CHL1: variants seen among roughly 807,000 people sequenced by gnomAD.
CHL1 encodes cell adhesion molecule L1 like, also known as neural cell adhesion molecule L1-like protein.
A neutral mutation model predicts 141.9 loss-of-function variants in CHL1; 96 were observed. That is an observed-to-expected ratio of 0.68 (90% CI 0.57 to 0.80). The LOEUF (loss-of-function observed/expected upper bound fraction) is 0.80. CHL1 is among the 30% of genes least tolerant of loss of function. The pLI, the probability that CHL1 is intolerant of heterozygous loss-of-function variation, is 0.00. For synonymous variants in CHL1, 613 were observed against 502.2 expected (o/e 1.22, Z -2.95); for missense variants, 1,820 against 1,457.2 (o/e 1.25, Z -4.05).
chr3:337,869 A>G lies in CHL1; in HGVS notation c.386-2925A>G, dbSNP rs369280407. ...TGTCTTCATAGCAGCATGATTTATA[A>G]TCCTTTGGGTATATACCCAGTAATG... On this transcript the variant is annotated intron_variant, in intron 5 of 27. Coordinates refer to ENST00000256509, the MANE Select transcript of CHL1 (RefSeq NM_006614.4). 1.2e-3 allele frequency among the ~76,000 whole-genome samples: 177 copies of G among 152,244 alleles called. 1 individual carries two copies. The highest frequency in any genetic ancestry group is 3.4e-3 in the Middle Eastern group (1 of 294).
chr3:405,441 C>T (rs1709464699), intron 27 of CHL1, 54 bp from the exon 28 acceptor site: 2 of 1,178,168 alleles, frequency 1.7e-6, no homozygotes, highest in Non-Finnish European at 2.5e-6. Context: ...TGTTGCTTTA[C>T]ATGAATATTA....
chr3:243,686 A>C (rs1202019477), intron 1 of CHL1, among the ~76,000 whole-genome samples: 1 of 152,112 alleles, frequency 6.6e-6, no homozygotes, highest in Non-Finnish European at 1.5e-5. Context: ...GTCAAATAAT[A>C]CACAGAGTGG....
chr3:398,317 G>A lies in CHL1; in HGVS notation c.3185G>A (p.Arg1062His), dbSNP rs144944083. 30 of 1,607,878 alleles carry A rather than the reference G, an allele frequency of 1.9e-5. No individual in the cohort carries two copies. The highest frequency in any genetic ancestry group is 1.1e-4 in the African/African-American group (8 of 74,756). ...GAGCCGGGAGCTGAACATATAGTTC[G>A]CCTAATGACTAAGAATTGGGGCGAT... The part of the protein sequence containing the change: ...VFEPGAEHIV[R>H]LMTKNWGDND... Residue 1062 changes from arginine (R) to histidine (H), a missense_variant, in exon 25 of 28, where the codon CGC becomes CAC. Transcript: ENST00000256509.
At chr3:216,029 A>T (rs1209612007) in intron 1 of CHL1, among the ~76,000 whole-genome samples, 1 of 152,210 alleles carries the variant, frequency 6.6e-6, no homozygotes, top group Non-Finnish European at 1.5e-5. Flanking sequence ...GAGTGAGAAT[A>T]TATATGTTAT....
At chr3:339,898 C>G (rs949892132) in intron 5 of CHL1, among the ~76,000 whole-genome samples, 3 of 152,152 alleles carry the variant, frequency 2.0e-5, no homozygotes, top group Non-Finnish European at 4.4e-5. Context: ...CAAGTTGGGA[C>G]TGTTATAACT....
At chr3:284,300 A>G (rs1454864539) in intron 2 of CHL1, among the ~76,000 whole-genome samples, 1 of 152,204 alleles carries the variant, frequency 6.6e-6, no homozygotes, top group Non-Finnish European at 1.5e-5. Flanking sequence ...AGGAAAACAA[A>G]CAAAGATGTG....
chr3:339,256 G>T (rs1486277449), intron 5 of CHL1, among the ~76,000 whole-genome samples: 1 of 152,146 alleles, frequency 6.6e-6, no homozygotes, highest in East Asian at 1.9e-4. Flanking sequence ...ATGTCTATAA[G>T]GTGTACTTTC....
chr3:249,428 T>A (rs1047587359), intron 2 of CHL1, among the ~76,000 whole-genome samples: 1 of 152,130 alleles, frequency 6.6e-6, no homozygotes, highest in Non-Finnish European at 1.5e-5. Context: ...AGAAGAAACA[T>A]GTCAAAGCTC....
intron 2 of CHL1, among the ~76,000 whole-genome samples, chr3:311,002 G>T (rs1699708077): frequency 6.6e-6 from 1 of 152,068 alleles, no homozygotes; most frequent in African/African-American, 2.4e-5. Context: ...TTTCAAATTG[G>T]CCTGTTCACT....
In CHL1 at chr3:349,460, C is replaced by A. The variant is rs1703059107; in HGVS notation, c.950C>A (p.Ser317Tyr). 6.2e-7 allele frequency: 1 copy of A among 1,613,836 alleles called. No homozygotes were observed. Among genetic ancestry groups the A allele is most frequent in the Non-Finnish European group, 8.5e-7 (1 of 1,179,858 alleles). ...YGKTLKIENV[S>Y]YQDKGNYRCT... ...AAGACTTTGAAGATAGAGAATGTCT[C>A]CTACCAGGACAAAGGAAATTATCGC... is the stretch of plus-strand genomic sequence containing the variant. Residue 317 changes from serine to tyrosine, a missense_variant, in exon 10 of 28, where the codon TCC becomes TAC. By Grantham distance (144) the Ser-to-Tyr change is moderately radical (BLOSUM62 -2). Transcript: ENST00000256509.
At chr3:326,154 A>G (rs1393833761) in intron 4 of CHL1, 90 bp downstream of exon 4, 2 of 734,658 alleles carry the variant, frequency 2.7e-6, no homozygotes, top group African/African-American at 1.8e-5. Context: ...CTGTTGGACT[A>G]TGAATCCACG....
At chr3:371,294 T>C (rs1034356676) in intron 15 of CHL1, among the ~76,000 whole-genome samples, 1 of 152,212 alleles carries the variant, frequency 6.6e-6, no homozygotes, top group Admixed American at 6.5e-5. Flanking sequence ...TGCTCCTGTA[T>C]TGGATGCATA....
intron 4 of CHL1, among the ~76,000 whole-genome samples, chr3:326,645 A>C (rs1271074186): frequency 6.6e-6 from 1 of 151,824 alleles, no homozygotes; most frequent in African/African-American, 2.4e-5. Flanking sequence ...CTTTTTCAAA[A>C]TACCTTCTAT....
At chr3:340,703 GA>G (rs919665077) in intron 5 of CHL1, 90 bp from the exon 6 acceptor site, 60 of 1,110,134 alleles carry the variant, frequency 5.4e-5, no homozygotes, top group Middle Eastern at 4.7e-4. Flanking sequence ...TTAAATTGCT[GA>G]ATTTTGAAAA....
intron 26 of CHL1, among the ~76,000 whole-genome samples, chr3:400,370 T>C (rs543774460): frequency 1.3e-5 from 2 of 152,300 alleles, no homozygotes; most frequent in South Asian, 2.1e-4. Flanking sequence ...GAGTAATTAA[T>C]TGGAAACGTT....
chr3:224,717 G>C (rs947206192), intron 1 of CHL1, among the ~76,000 whole-genome samples: 1 of 152,144 alleles, frequency 6.6e-6, no homozygotes, highest in African/African-American at 2.4e-5. Context: ...CCGGTCTCAG[G>C]TATTTCTTTA....
chr3:390,904 A>C (rs1404832357), intron 21 of CHL1, 51 bp from the exon 22 acceptor site: 1 of 1,549,926 alleles, frequency 6.5e-7, no homozygotes, highest in Admixed American at 1.7e-5. Flanking sequence ...GAAGTCAAAG[A>C]GAATCTGCGA....
At chr3:207,825 A>G (rs142302748) in intron 1 of CHL1, among the ~76,000 whole-genome samples, 3 of 152,254 alleles carry the variant, frequency 2.0e-5, no homozygotes, top group South Asian at 2.1e-4. Flanking sequence ...CATGCATACA[A>G]GTTTCTGCTT....
chr3:397,451 T>G (rs781722013), intron 24 of CHL1, among the ~76,000 whole-genome samples: 1 of 152,070 alleles, frequency 6.6e-6, no homozygotes, highest in Non-Finnish European at 1.5e-5. Flanking sequence ...AGAAACATAT[T>G]TTATATCATT....
Sources: allele counts gnomAD v4.1 joint callset (sites outside exome capture counted in the v4.1 genomes callset), GRCh38; gene constraint gnomAD v4.1.1; transcripts MANE v1.5; gene names NCBI Gene and HGNC (gene_info 2026-07-23, HGNC 2026-07-21).